The following PKD2L2 variants were observed in gnomAD, a reference collection of about 807,000 sequenced individuals.
PKD2L2 encodes polycystin 2 like 2, transient receptor potential cation channel, also known as polycystin-2-like protein 2.
In PKD2L2, 67 loss-of-function variants were observed where a neutral mutation model predicts 83.9. That is an observed-to-expected ratio of 0.80 (90% CI 0.66 to 0.98). The LOEUF is 0.98. Ranked by LOEUF, PKD2L2 falls within the 50% of genes least tolerant of loss-of-function variation. PKD2L2 has a pLI of 0.00. For synonymous variants in PKD2L2, 223 were observed against 237.8 expected (o/e 0.94, Z 0.57); for missense variants, 632 against 717.2 (o/e 0.88, Z 1.36).
intron 12 of PKD2L2, among the ~76,000 whole-genome samples, chr5:137,930,675 A>G (rs1385536477): frequency 6.6e-6 from 1 of 151,778 alleles, no homozygotes; most frequent in Non-Finnish European, 1.5e-5. Context: ...AAAAAAAAAA[A>G]AAAAAAGAAA....
At chr5:137,908,976 C>G (rs561097066) in intron 8 of PKD2L2, 30 bp downstream of exon 8, 2 of 1,354,176 alleles carry the variant, frequency 1.5e-6, no homozygotes, top group Admixed American at 2.1e-5. Context: ...GTAATTATAT[C>G]TTCTATATTT....
intron 8 of PKD2L2, among the ~76,000 whole-genome samples, chr5:137,919,971 G>A (rs909814611): frequency 2.0e-5 from 3 of 152,166 alleles, no homozygotes; most frequent in Non-Finnish European, 4.4e-5. Context: ...CCCAAGGCGG[G>A]TGGATCACCT....
chr5:137,893,068 CA>C (rs201289110), intron 3 of PKD2L2, among the ~76,000 whole-genome samples: 11 of 150,518 alleles, frequency 7.3e-5, no homozygotes, highest in African/African-American at 1.2e-4. Context: ...GGCTCCATCT[CA>C]AAAAAAAAAT....
Position 137,925,862 on chromosome 5 carries a change from A to G in PKD2L2, c.1617-13A>G. The G allele has an allele frequency of 1.9e-6, 3 of 1,567,006 alleles. No homozygotes were observed. Among genetic ancestry groups the G allele is most frequent in the East Asian group, 4.5e-5 (2 of 44,384 alleles). On this transcript the variant is annotated splice_polypyrimidine_tract_variant and intron_variant, in intron 11 of 14. Transcript: ENST00000508883. ...GTCATTTGCCTCTGACTTTTATTTT[A>G]TATTCTCAATAGCAAAGGCAGCGGA...
At chr5:137,909,818 G>A (rs1757668523) in intron 8 of PKD2L2, among the ~76,000 whole-genome samples, 1 of 152,030 alleles carries the variant, frequency 6.6e-6, no homozygotes, top group Non-Finnish European at 1.5e-5. Context: ...TTACAGATGT[G>A]AGCCACCACA....
At chr5:137,937,064 G>A (rs574090232) in intron 14 of PKD2L2, among the ~76,000 whole-genome samples, 3 of 152,348 alleles carry the variant, frequency 2.0e-5, no homozygotes, top group Admixed American at 1.3e-4. Context: ...TTTTCTCATA[G>A]TTACAGAGTA....
At chr5:137,933,065 A>C (rs1424558189) in intron 12 of PKD2L2, among the ~76,000 whole-genome samples, 2 of 151,526 alleles carry the variant, frequency 1.3e-5, no homozygotes, top group Non-Finnish European at 2.9e-5. Flanking sequence ...AAAAAAAAAA[A>C]ACCCACGACC....
Position 137,914,137 on chromosome 5 carries a change from G to A in PKD2L2, c.1328+5191G>A, listed in dbSNP as rs181128880. Among the ~76,000 whole-genome samples the A allele has an allele frequency of 4.6e-4, 62 of 136,226 alleles. 1 individual carries two copies. In the East Asian group the frequency reaches 0.013, roughly 28 times the overall value. 89.4% of individuals were successfully genotyped at this position (136,226 alleles called of 152,430 possible). A position where few individuals can be genotyped will look rare whatever the true frequency, so the allele number is the denominator to read the frequency against. On this transcript the variant is annotated intron_variant, in intron 8 of 14. Coordinates refer to ENST00000508883, the MANE Select transcript of PKD2L2 (RefSeq NM_001300921.2). The stretch of plus-strand genomic sequence containing the variant: ...ACTCCTGGGCTCAAGAGACTCATCC[G>A]TCTTGGCCTCCCAAAGTGCTGGGAT...
chr5:137,889,726 C>G (rs928224241), intron 1 of PKD2L2, among the ~76,000 whole-genome samples: 4 of 152,216 alleles, frequency 2.6e-5, no homozygotes, highest in Non-Finnish European at 5.9e-5. Flanking sequence ...CGAGGTGGCG[C>G]TCGCCTCTTG....
At chr5:137,931,623 A>G (rs895339364) in intron 12 of PKD2L2, among the ~76,000 whole-genome samples, 5 of 152,188 alleles carry the variant, frequency 3.3e-5, no homozygotes, top group African/African-American at 1.2e-4. Flanking sequence ...AAGTTTCAAC[A>G]CCCAATCTTG....
intron 2 of PKD2L2, among the ~76,000 whole-genome samples, chr5:137,891,295 G>C (rs1211965292): frequency 6.6e-6 from 1 of 152,080 alleles, no homozygotes; most frequent in Non-Finnish European, 1.5e-5. Context: ...GTCTGCTCTT[G>C]ATTGAAAAGA....
chr5:137,909,577 C>T (rs1757646218), intron 8 of PKD2L2, among the ~76,000 whole-genome samples: 1 of 141,720 alleles, frequency 7.1e-6, no homozygotes, highest in African/African-American at 2.7e-5. Context: ...AGGGTCTCCA[C>T]TCTGTCACCC....
intron 12 of PKD2L2, among the ~76,000 whole-genome samples, chr5:137,934,307 C>A (rs149323404): frequency 1.1e-3 from 170 of 152,200 alleles, no homozygotes; most frequent in Non-Finnish European, 1.7e-3. Context: ...ATGGCTGAGA[C>A]GGGTTTTTAA....
intron 2 of PKD2L2, 113 bp downstream of exon 2, chr5:137,890,695 C>G (rs375546807): frequency 9.4e-6 from 5 of 529,174 alleles, no homozygotes; most frequent in South Asian, 3.2e-5. Context: ...TACTAAAACT[C>G]AAAATACAGT....
intron 9 of PKD2L2, among the ~76,000 whole-genome samples, chr5:137,922,124 TG>T (rs1758961166): frequency 6.6e-6 from 1 of 152,262 alleles, no homozygotes; most frequent in South Asian, 2.1e-4. Context: ...TACCACGTTG[TG>T]GTTTTCAGGA....
intron 5 of PKD2L2, among the ~76,000 whole-genome samples, chr5:137,902,918 G>A (rs72801623): frequency 0.17 from 25,113 of 152,138 alleles, 2,202 homozygotes; most frequent in Non-Finnish European, 0.18. Flanking sequence ...ATTTAAGTTG[G>A]GGTTTTTGGT....
intron 1 of PKD2L2, 31 bp downstream of exon 1, chr5:137,889,553 C>G (rs1332439073): frequency 2.6e-6 from 4 of 1,520,106 alleles, no homozygotes; most frequent in Non-Finnish European, 3.5e-6. Context: ...GTGGGAGGGA[C>G]AGGGGCGATT....
intron 5 of PKD2L2, among the ~76,000 whole-genome samples, chr5:137,902,759 TAAGATA>T (rs1757072186): frequency 1.3e-5 from 2 of 152,156 alleles, no homozygotes; most frequent in Admixed American, 1.3e-4. Context: ...TGGGGAAGCG[TAAGATA>T]CTAAGCTAAC....
In PKD2L2 at chr5:137,929,570, G is replaced by A. The variant is rs577220494; in HGVS notation, c.1671+3641G>A. Among the ~76,000 whole-genome samples, 151 of 45,130 alleles carry A rather than the reference G, an allele frequency of 3.3e-3. 4 individuals are homozygous for A. Among genetic ancestry groups the A allele is most frequent in the Middle Eastern group, 0.033 (2 of 60 alleles). 29.6% of individuals were successfully genotyped at this position (45,130 alleles called of 152,430 possible). ...AAAAAAAAAAAAAAACAGACCACAC[G>A]GTAAAAGACTTAAAATATAAATATA... On this transcript the variant is annotated intron_variant, in intron 12 of 14. Transcript: ENST00000508883.
Sources: gnomAD v4.1 joint callset for allele counts (sites outside exome capture counted in the v4.1 genomes callset) on GRCh38, gnomAD v4.1.1 for gene constraint, MANE v1.5 for transcripts, NCBI Gene and HGNC (gene_info 2026-07-23, HGNC 2026-07-21) for gene names.